NLRP11: variants seen among roughly 807,000 people sequenced by gnomAD.
The protein encoded by NLRP11 is NLR family pyrin domain containing 11, also known as NACHT, LRR and PYD domains-containing protein 11.
NLRP11 carries 53 observed loss-of-function variants against 79.3 expected under a neutral mutation model. The ratio of observed to expected loss-of-function variants is 0.67; its 90% CI spans 0.54 to 0.84. The LOEUF is 0.84. Among genes scored for constraint, NLRP11 ranks in the 40% least tolerant of loss-of-function variants. The pLI is 0.00. For missense variants in NLRP11, 1,264 were observed against 1,255.0 expected (o/e 1.01, Z -0.11); for synonymous variants, 518 against 462.6 (o/e 1.12, Z -1.54).
intron 1 of NLRP11, among the ~76,000 whole-genome samples, chr19:55,819,624 CT>C (rs1040191293): frequency 7.9e-5 from 12 of 152,158 alleles, no homozygotes; most frequent in African/African-American, 2.9e-4. Context: ...ACAGCAAATG[CT>C]TCGACACAGA....
chr19:55,801,392 A>C (rs1240514528), intron 5 of NLRP11, among the ~76,000 whole-genome samples, 180 bp downstream of exon 5: 2 of 152,176 alleles, frequency 1.3e-5, no homozygotes, highest in African/African-American at 4.8e-5. Flanking sequence ...CAATGTAGAA[A>C]TTGAAATCAA....
At position 55,809,049 on chromosome 19, in the gene NLRP11, A is replaced by G; in HGVS notation, c.1561T>C (p.Phe521Leu). Residue 521 changes from phenylalanine to leucine, a missense_variant, in exon 3 of 10, where the codon TTC becomes CTC. By Grantham distance (22) the Phe-to-Leu change is conservative. Coordinates refer to ENST00000589093, the Ensembl canonical transcript of NLRP11. This position sits in a 1 kb window ranked among gnomAD's most constrained non-coding sequence, Gnocchi z 4.5. ...ATGTATCCCACCGAGTACCACTTGA[A>G]GCTGTCTACCATCGGTAGCTGGTAT... The G allele has an allele frequency of 1.9e-6, 3 of 1,614,076 alleles. No homozygotes were observed. The highest frequency in any genetic ancestry group is 2.5e-6 in the Non-Finnish European group (3 of 1,180,004).
exon 10 of NLRP11, chr19:55,785,567 C>G (rs1348475028): frequency 1.3e-6 from 2 of 1,500,386 alleles, no homozygotes; most frequent in African/African-American, 1.4e-5. Context: ...AGTCCTAATT[C>G]TCTTGCATCC....
At chr19:55,821,249 A>ACACACACACCC (rs1443325918) in intron 1 of NLRP11, among the ~76,000 whole-genome samples, 4 of 124,378 alleles carry the variant, frequency 3.2e-5, no homozygotes, top group African/African-American at 1.2e-4. Flanking sequence ...ACACACACAC[A>ACACACACACCC]CCCCAAGCAC....
chr19:55,813,201 G>A lies in NLRP11; in HGVS notation c.272-2863C>T, dbSNP rs546172264. The stretch of plus-strand genomic sequence containing the variant: ...AAATTAGCCCGGCATGGTGGCAGGC[G>A]CCTGTAATCCCAGCTACTCGGGAGG... On this transcript the variant is annotated intron_variant, in intron 2 of 9. Transcript: ENST00000589093. Among the ~76,000 whole-genome samples the A allele has an allele frequency of 3.6e-4, 55 of 152,212 alleles. 1 individual carries two copies. The South Asian group carries it at 6.4e-3, about 18-fold the overall frequency.
intron 1 of NLRP11, among the ~76,000 whole-genome samples, chr19:55,821,846 C>T (rs969101939): frequency 1.3e-5 from 2 of 152,224 alleles, no homozygotes; most frequent in Non-Finnish European, 2.9e-5. Context: ...TGGAAGTCTC[C>T]ATCAGGGCAG....
chr19:55,790,059 C>T lies in NLRP11; in HGVS notation c.2514-660G>A, dbSNP rs375963059. 8.6e-4 allele frequency among the ~76,000 whole-genome samples: 131 copies of T among 152,276 alleles called. 1 individual carries two copies. Among genetic ancestry groups the T allele is most frequent in the African/African-American group, 3.1e-3 (128 of 41,556 alleles). ...ACCGACTATTCATTCTGCTTGCAAG[C>T]GCCACTCTAGTGATCTGTATGACTC... On this transcript the variant is annotated intron_variant, in intron 7 of 9. Coordinates refer to ENST00000589093, the Ensembl canonical transcript of NLRP11.
At chr19:55,830,562 A>T (rs1372753433) in intron 1 of NLRP11, among the ~76,000 whole-genome samples, 1 of 146,292 alleles carries the variant, frequency 6.8e-6, no homozygotes, top group Non-Finnish European at 1.5e-5. Flanking sequence ...GGAAAATTCC[A>T]TAAGCTTTTT....
intron 1 of NLRP11, among the ~76,000 whole-genome samples, chr19:55,828,575 A>G (rs1982447050): frequency 6.6e-6 from 1 of 152,184 alleles, no homozygotes; most frequent in Non-Finnish European, 1.5e-5. Context: ...CCAATTAAGT[A>G]TATCATAATT....
chr19:55,830,187 A>G (rs1600208365), intron 1 of NLRP11, among the ~76,000 whole-genome samples: 1 of 152,138 alleles, frequency 6.6e-6, no homozygotes, highest in Non-Finnish European at 1.5e-5. Flanking sequence ...CCCTAAGTGA[A>G]CACAAGTAGA....
chr19:55,794,083 T>C (rs1209715850), intron 6 of NLRP11, among the ~76,000 whole-genome samples: 1 of 152,200 alleles, frequency 6.6e-6, no homozygotes, highest in East Asian at 1.9e-4. Flanking sequence ...GCTTAGTATA[T>C]CTGGATTATT....
chr19:55,814,766 A>G (rs1334060693), intron 2 of NLRP11, among the ~76,000 whole-genome samples: 1 of 152,230 alleles, frequency 6.6e-6, no homozygotes, highest in East Asian at 1.9e-4. Flanking sequence ...ACAGAGCAGC[A>G]ACACCAGCTT....
intron 4 of NLRP11, among the ~76,000 whole-genome samples, chr19:55,806,101 C>A (rs150227011): frequency 6.6e-6 from 1 of 152,216 alleles, no homozygotes; most frequent in African/African-American, 2.4e-5. Context: ...CAAAGGCCTT[C>A]GCTAGTTTCT....
chr19:55,810,258 A>G (rs756477452), exon 3 of NLRP11: 1 of 1,613,676 alleles, frequency 6.2e-7, no homozygotes, highest in African/African-American at 1.3e-5. Flanking sequence ...AAAAATTTAT[A>G]ATGAAATTTT....
intron 1 of NLRP11, among the ~76,000 whole-genome samples, chr19:55,823,471 C>T (rs1272479259): frequency 6.5e-5 from 9 of 138,864 alleles, no homozygotes; most frequent in African/African-American, 2.3e-4. Context: ...CTCTGAGCTA[C>T]GGGAGGACAT....
At chr19:55,827,929 T>G (rs112566427) in intron 1 of NLRP11, among the ~76,000 whole-genome samples, 12 of 151,776 alleles carry the variant, frequency 7.9e-5, no homozygotes, top group African/African-American at 2.4e-4. Flanking sequence ...TATACCCAAA[T>G]GACTATAAAT....
intron 9 of NLRP11, among the ~76,000 whole-genome samples, chr19:55,787,005 C>G (rs1284312465): frequency 6.6e-6 from 1 of 152,116 alleles, no homozygotes; most frequent in East Asian, 1.9e-4. Context: ...AGTCTGTGAT[C>G]TCATTTAATC....
upstream of NLRP11, among the ~76,000 whole-genome samples, chr19:55,833,188 A>G (rs1036046870): frequency 2.0e-5 from 3 of 152,238 alleles, no homozygotes; most frequent in Non-Finnish European, 4.4e-5. Flanking sequence ...TGTTATTGCC[A>G]TATACAAAAT....
At chr19:55,787,182 G>A (rs1221038605) in intron 9 of NLRP11, among the ~76,000 whole-genome samples, 1 of 152,126 alleles carries the variant, frequency 6.6e-6, no homozygotes, top group East Asian at 1.9e-4. Flanking sequence ...TTTAAATAAG[G>A]CAGGTAGAAA....
Sources: gnomAD v4.1 joint callset for allele counts (sites outside exome capture counted in the v4.1 genomes callset) on GRCh38, gnomAD v4.1.1 for gene constraint, Gnocchi (gnomAD v3.1) non-coding constraint, MANE v1.5 for transcripts, NCBI Gene and HGNC (gene_info 2026-07-23, HGNC 2026-07-21) for gene names.